Variants in SLC1A4 observed in about 807,000 individuals in gnomAD.
The protein encoded by SLC1A4 is neutral amino acid transporter A.
Under a neutral mutation model 37.7 loss-of-function variants are expected in SLC1A4, and 19 were observed. That is an observed-to-expected ratio of 0.50 (90% CI 0.35 to 0.74). SLC1A4 has a LOEUF of 0.74. Ranked by LOEUF, SLC1A4 falls within the 30% of genes least tolerant of loss-of-function variation. The probability of loss-of-function intolerance (pLI) is 0.01; values close to 1 mark genes in which losing one functional copy is unlikely to be tolerated. For missense variants in SLC1A4, 570 were observed against 712.9 expected, an observed-to-expected ratio of 0.80 and a Z score of 2.28; for synonymous variants, 299 against 309.8, an observed-to-expected ratio of 0.97 and a Z score of 0.37.
Position 65,018,401 on chromosome 2 carries a change from T to C in SLC1A4, c.1229+136T>C. 2.2e-6 allele frequency: 3 copies of C among 1,376,426 alleles called. No individual in the cohort carries two copies. Among genetic ancestry groups the C allele is most frequent in the Non-Finnish European group, 3.0e-6 (3 of 1,008,310 alleles). The allele number at this position is 1,376,426 out of a possible 1,614,324, so 85.3% of individuals were successfully genotyped here. On this transcript the variant is annotated intron_variant, in intron 6 of 7. Coordinates refer to ENST00000234256, the MANE Select transcript of SLC1A4 (RefSeq NM_003038.5). This position sits in a 1 kb window ranked among gnomAD's most constrained non-coding sequence, Gnocchi z 4.3. ...GGGGATTCATTACTTGAAGAGCGTG[T>C]GTTGACTCTCAAGGGCGTAGCCAGC...
chr2:65,012,014 C>T (rs1011928493), intron 4 of SLC1A4, among the ~76,000 whole-genome samples: 11 of 151,976 alleles, frequency 7.2e-5, no homozygotes, highest in African/African-American at 2.7e-4. Context: ...GGCGATCCGC[C>T]TGCCTCAGCC....
At chr2:65,012,095 T>G (rs1188595822) in intron 4 of SLC1A4, among the ~76,000 whole-genome samples, 1 of 149,382 alleles carries the variant, frequency 6.7e-6, no homozygotes, top group Non-Finnish European at 1.5e-5. Flanking sequence ...TTGTTTTGTT[T>G]TTTTGTTTTC....
At position 65,018,356 on chromosome 2, in the gene SLC1A4, G is replaced by A. The variant is rs964337842; in HGVS notation, c.1229+91G>A. 56 of 1,444,558 alleles carry A rather than the reference G, an allele frequency of 3.9e-5. No homozygotes were observed. Among genetic ancestry groups the A allele is most frequent in the Admixed American group, 7.8e-5 (4 of 51,306 alleles). 89.5% of individuals were successfully genotyped at this position (1,444,558 alleles called of 1,614,324 possible). On this transcript the variant is annotated intron_variant, in intron 6 of 7. Transcript: ENST00000234256. The surrounding 1 kb of genome is among the most constrained non-coding windows in gnomAD (Gnocchi z 4.3). ...CAATCTCACCACAACTTGGTGTCTC[G>A]CTCATAAAATGAGGACAGTGGGGAT... is the stretch of plus-strand genomic sequence containing the variant.
chr2:64,989,689 GC>G lies in SLC1A4; in HGVS notation c.47del (p.Ala16GlyfsTer52). ...CAACGGCTACCTTGACAGCGCTCAGGCGGGGCCTGCGGCCGGGCCCGGAGCT... is the reference window on the plus strand; with the variant it reads ...CAACGGCTACCTTGACAGCGCTCAGGGGGGCCTGCGGCCGGGCCCGGAGCT... ...ETNGYLDSAQ[A>X]GPAAGPGAPG... On this transcript the variant is annotated frameshift_variant, in exon 1 of 8. Coordinates refer to ENST00000234256, the MANE Select transcript of SLC1A4 (RefSeq NM_003038.5). LOFTEE classifies it high-confidence loss of function. The G allele has an allele frequency of 6.5e-7, 1 of 1,537,982 alleles. No homozygotes were observed. The highest frequency in any genetic ancestry group is 8.7e-7 in the Non-Finnish European group (1 of 1,148,490).
chr2:64,991,843 C>T (rs780183036), intron 1 of SLC1A4, among the ~76,000 whole-genome samples: 1 of 152,104 alleles, frequency 6.6e-6, no homozygotes, highest in South Asian at 2.1e-4. Flanking sequence ...CCTCGTGAGC[C>T]ACCCGCCTCG....
At chr2:65,003,510 A>G (rs1224561159) in intron 2 of SLC1A4, among the ~76,000 whole-genome samples, 3 of 152,258 alleles carry the variant, frequency 2.0e-5, no homozygotes, top group Non-Finnish European at 4.4e-5. Context: ...TCATGCTCAA[A>G]TAAGTTCTAG....
chr2:65,000,521 TGC>T (rs1318054451), intron 1 of SLC1A4: 2 of 152,230 alleles, frequency 1.3e-5, no homozygotes, highest in African/African-American at 4.8e-5. Context: ...TAGTTATAAA[TGC>T]AGACTGTTAC....
intron 1 of SLC1A4, among the ~76,000 whole-genome samples, chr2:64,991,421 CTTTTT>C (rs3050297): frequency 4.2e-5 from 5 of 117,672 alleles, no homozygotes; most frequent in Non-Finnish European, 6.8e-5. Context: ...GGGATCACAG[CTTTTT>C]TTTTTTTTTT....
intron 3 of SLC1A4, among the ~76,000 whole-genome samples, chr2:65,006,223 G>A (rs898140536): frequency 1.3e-5 from 2 of 152,132 alleles, no homozygotes; most frequent in Non-Finnish European, 2.9e-5. Flanking sequence ...CTGGTGCAGT[G>A]GTTCACACCT....
intron 4 of SLC1A4, among the ~76,000 whole-genome samples, chr2:65,012,035 C>A (rs537380395): frequency 6.6e-6 from 1 of 152,070 alleles, no homozygotes; most frequent in East Asian, 1.9e-4. Flanking sequence ...TCCCAAAGTG[C>A]TGAGATTACA....
At chr2:65,014,234 A>G (rs572906285) in intron 4 of SLC1A4, among the ~76,000 whole-genome samples, 66 of 152,352 alleles carry the variant, frequency 4.3e-4, no homozygotes, top group African/African-American at 1.5e-3. Context: ...ATTGATATAT[A>G]TATTTGCATA....
chr2:65,014,348 C>T (rs993733120), intron 4 of SLC1A4, among the ~76,000 whole-genome samples: 1 of 152,108 alleles, frequency 6.6e-6, no homozygotes, highest in Non-Finnish European at 1.5e-5. Flanking sequence ...TACCAGTAAA[C>T]ATTTTAAGGG....
chr2:64,995,656 C>A (rs1673227898), intron 1 of SLC1A4, among the ~76,000 whole-genome samples: 1 of 152,062 alleles, frequency 6.6e-6, no homozygotes, highest in Non-Finnish European at 1.5e-5. Context: ...GGCTCTGTTA[C>A]AATAAATACT....
At chr2:65,015,580 C>A (rs577356942) in intron 4 of SLC1A4, among the ~76,000 whole-genome samples, 2 of 152,098 alleles carry the variant, frequency 1.3e-5, no homozygotes, top group Non-Finnish European at 2.9e-5. Context: ...GTATTACTAT[C>A]GGGTTTTTAA....
In SLC1A4 at chr2:65,001,436, C is replaced by A; in HGVS notation, c.528-12C>A. On this transcript the variant is annotated splice_polypyrimidine_tract_variant and intron_variant, in intron 1 of 7. Coordinates refer to ENST00000234256, the MANE Select transcript of SLC1A4 (RefSeq NM_003038.5). ...TAAAAGAATACTGACAGAATGCTTT[C>A]TTTTCCAACAGAAACCTGTTTCCCT... 1 of 1,613,490 alleles carries A rather than the reference C, an allele frequency of 6.2e-7. No individual in the cohort carries two copies. Among genetic ancestry groups the A allele is most frequent in the Non-Finnish European group, 8.5e-7 (1 of 1,179,448 alleles).
intron 1 of SLC1A4, among the ~76,000 whole-genome samples, chr2:64,997,827 C>A (rs971217020): frequency 6.6e-6 from 1 of 152,022 alleles, no homozygotes; most frequent in Non-Finnish European, 1.5e-5. Flanking sequence ...GTGGGCCGGG[C>A]GTGGTGGCTC....
chr2:65,010,051 C>T (rs1673855563), intron 3 of SLC1A4, among the ~76,000 whole-genome samples: 1 of 152,108 alleles, frequency 6.6e-6, no homozygotes, highest in South Asian at 2.1e-4. Context: ...CCTGCCTCAG[C>T]CTCCCAAGTA....
rs1175843996 is a variant in SLC1A4, at chr2:65,021,249, C to T, written c.*103C>T. On this transcript the variant is annotated 3_prime_UTR_variant, in exon 8 of 8. Coordinates refer to ENST00000234256, the MANE Select transcript of SLC1A4 (RefSeq NM_003038.5). Reference sequence around the variant, plus strand: ...CACTGCCCTTGCCAACTTTTACCCTCCCAAGCAATGCTTTGGCCCAGTCGC... The same window carrying T: ...CACTGCCCTTGCCAACTTTTACCCTTCCAAGCAATGCTTTGGCCCAGTCGC... 2 of 898,298 alleles carry T rather than the reference C, an allele frequency of 2.2e-6. No individual in the cohort carries two copies. Among genetic ancestry groups the T allele is most frequent in the Non-Finnish European group, 3.4e-6 (2 of 580,666 alleles). The allele number at this position is 898,298 out of a possible 1,614,324, so 55.6% of individuals were successfully genotyped here. A position where few individuals can be genotyped will look rare whatever the true frequency, so the allele number is the denominator to read the frequency against.
intron 3 of SLC1A4, among the ~76,000 whole-genome samples, chr2:65,009,684 G>T (rs556037904): frequency 2.5e-4 from 38 of 152,338 alleles, no homozygotes; most frequent in Non-Finnish European, 1.5e-5. Context: ...TGTGTTGGTG[G>T]GATAAAATGT....
Sources: gnomAD v4.1 joint callset for allele counts (sites outside exome capture counted in the v4.1 genomes callset) on GRCh38, gnomAD v4.1.1 for gene constraint, Gnocchi (gnomAD v3.1) non-coding constraint, MANE v1.5 for transcripts, NCBI Gene and HGNC (gene_info 2026-07-23, HGNC 2026-07-21) for gene names.